ESR1: variants seen among roughly 807,000 people sequenced by gnomAD.
The protein encoded by ESR1 is estrogen receptor.
Under a neutral mutation model 52.7 loss-of-function variants are expected in ESR1, and 12 were observed. That is an observed-to-expected ratio of 0.23 (90% CI 0.15 to 0.37). ESR1 has a LOEUF of 0.37. ESR1 is among the 10% of genes least tolerant of loss of function. The pLI, the probability that ESR1 is intolerant of heterozygous loss-of-function variation, is 1.00. For synonymous variants in ESR1, 305 were observed against 316.8 expected (o/e 0.96, Z 0.39); for missense variants, 584 against 779.7 (o/e 0.75, Z 2.99).
rs189174084 is a variant in ESR1, at chr6:151,672,402, T to C, written n.73+15639T>C. ...CCCAGGCTGGAGTGCAGTGGCACCA[T>C]CTTGGCTCACTGTAGCCTCTGCCTT... is the stretch of plus-strand genomic sequence containing the variant. On this transcript the variant is annotated intron_variant and non_coding_transcript_variant, in intron 1 of 2. Transcript: ENST00000473497. Among the ~76,000 whole-genome samples, 607 of 152,090 alleles carry C rather than the reference T, an allele frequency of 4.0e-3. 3 individuals are homozygous for C. Among genetic ancestry groups the C allele is most frequent in the African/African-American group, 0.013 (545 of 41,486 alleles).
At chr6:152,031,522 T>A (rs1450751928) in intron 5 of ESR1, among the ~76,000 whole-genome samples, 2 of 152,086 alleles carry the variant, frequency 1.3e-5, no homozygotes, top group African/African-American at 4.8e-5. Context: ...TCTACACAAA[T>A]AAACTAGAAC....
chr6:151,747,738 CGGTCTTTTGCGTCTGGCTTATTTCATTT>C, intron 2 of ESR1, among the ~76,000 whole-genome samples: 5 of 152,124 alleles, frequency 3.3e-5, no homozygotes, highest in Non-Finnish European at 5.9e-5. Flanking sequence ...ATACAATATG[CGGTCTTTTGCGTCTGGCTTATTTCATTT>C]AGTATAGTGT....
downstream of ESR1, among the ~76,000 whole-genome samples, chr6:152,105,812 G>A (rs1397468909): frequency 6.3e-5 from 7 of 110,422 alleles, no homozygotes; most frequent in Admixed American, 1.4e-4. Flanking sequence ...ACGGAGTCTC[G>A]CTCTGTCGCC....
chr6:151,801,497 A>G (rs184215261), upstream of ESR1, among the ~76,000 whole-genome samples: 26 of 152,322 alleles, frequency 1.7e-4, no homozygotes, highest in Admixed American at 5.9e-4. Context: ...AACTGTCTTC[A>G]TCAAGTCCTG....
intron 2 of ESR1, among the ~76,000 whole-genome samples, chr6:151,843,348 T>C (rs912810076): frequency 2.0e-5 from 3 of 152,186 alleles, no homozygotes; most frequent in Non-Finnish European, 2.9e-5. Context: ...TGGGGAGATA[T>C]CATCTTTATC....
At chr6:152,075,509 C>T (rs541798250) in intron 6 of ESR1, among the ~76,000 whole-genome samples, 1 of 152,224 alleles carries the variant, frequency 6.6e-6, no homozygotes, top group South Asian at 2.1e-4. Context: ...AAACAATACA[C>T]CTAAAGAATA....
intron 6 of ESR1, among the ~76,000 whole-genome samples, chr6:152,089,748 T>G (rs1983664): frequency 0.049 from 7,493 of 152,188 alleles, 286 homozygotes; most frequent in South Asian, 0.17. Context: ...CTGACTAATT[T>G]TTGTAATTTT....
intron 4 of ESR1, among the ~76,000 whole-genome samples, chr6:151,960,425 G>C (rs1457707091): frequency 6.6e-6 from 1 of 152,204 alleles, no homozygotes; most frequent in Non-Finnish European, 1.5e-5. Context: ...CTCATTGAGA[G>C]ATCTTTTGAG....
intron 6 of ESR1, among the ~76,000 whole-genome samples, chr6:152,091,742 C>T (rs2050199216): frequency 6.6e-6 from 1 of 152,208 alleles, no homozygotes; most frequent in Admixed American, 6.5e-5. Context: ...TGCCTTCACA[C>T]CGTGCAAACA....
intron 4 of ESR1, among the ~76,000 whole-genome samples, chr6:151,962,791 G>A (rs1458627240): frequency 6.6e-6 from 1 of 152,168 alleles, no homozygotes; most frequent in Non-Finnish European, 1.5e-5. Flanking sequence ...TGGGGTAAGG[G>A]TAGGCAGGAC....
intron 3 of ESR1, among the ~76,000 whole-genome samples, chr6:151,914,603 A>G (rs979943298): frequency 6.6e-6 from 1 of 152,232 alleles, no homozygotes; most frequent in African/African-American, 2.4e-5. Context: ...TACTGGAGGA[A>G]GTATAGCAGA....
chr6:152,001,500 A>G (rs1218265304), intron 4 of ESR1, among the ~76,000 whole-genome samples: 2 of 152,074 alleles, frequency 1.3e-5, no homozygotes, highest in South Asian at 2.1e-4. Flanking sequence ...ACACTGCTAC[A>G]TTGTAACAGG....
intron 2 of ESR1, among the ~76,000 whole-genome samples, chr6:151,728,667 C>T (rs1307706662): frequency 6.6e-6 from 1 of 152,062 alleles, no homozygotes; most frequent in Non-Finnish European, 1.5e-5. Flanking sequence ...ACATACCTGC[C>T]CCCCATCCAC....
chr6:152,019,663 A>G (rs2043460064), intron 5 of ESR1, among the ~76,000 whole-genome samples: 1 of 152,256 alleles, frequency 6.6e-6, no homozygotes, highest in South Asian at 2.1e-4. Context: ...TAATCAAAAT[A>G]ATATTTTTGA....
chr6:151,976,581 A>T (rs187089439), intron 4 of ESR1, among the ~76,000 whole-genome samples: 1 of 152,196 alleles, frequency 6.6e-6, no homozygotes, highest in Non-Finnish European at 1.5e-5. Flanking sequence ...ATGACATTTC[A>T]TATGTCCTGA....
At chr6:151,985,534 C>CAA (rs2040399750) in intron 4 of ESR1, among the ~76,000 whole-genome samples, 1 of 90,006 alleles carries the variant, frequency 1.1e-5, no homozygotes, top group African/African-American at 4.4e-5. Context: ...AAAAAAAAAA[C>CAA]ACAAACAAAA....
At chr6:152,090,085 A>G (rs543229610) in intron 6 of ESR1, among the ~76,000 whole-genome samples, 2 of 152,298 alleles carry the variant, frequency 1.3e-5, no homozygotes, top group African/African-American at 2.4e-5. Context: ...AAGAACCACA[A>G]TCATAGGAGA....
At chr6:151,716,906 C>T (rs912234677) in intron 2 of ESR1, among the ~76,000 whole-genome samples, 8 of 152,294 alleles carry the variant, frequency 5.3e-5, no homozygotes, top group Admixed American at 2.6e-4. Flanking sequence ...GTAGCTAGTT[C>T]GGTGTCTGAC....
At chr6:152,021,342 C>T (rs1584854564) in intron 5 of ESR1, among the ~76,000 whole-genome samples, 1 of 152,130 alleles carries the variant, frequency 6.6e-6, no homozygotes. Flanking sequence ...CCTTGCTGCT[C>T]AGCTTGCAGA....
Sources: allele counts gnomAD v4.1 joint callset (sites outside exome capture counted in the v4.1 genomes callset), GRCh38; gene constraint gnomAD v4.1.1; transcripts MANE v1.5; gene names NCBI Gene and HGNC (gene_info 2026-07-23, HGNC 2026-07-21).